KANSL1: variants seen among roughly 807,000 people sequenced by gnomAD.
The protein encoded by KANSL1 is KAT8 regulatory NSL complex subunit 1, also known as MLL1/MLL complex subunit KANSL1.
A neutral mutation model predicts 103.6 loss-of-function variants in KANSL1; 22 were observed. The ratio of observed to expected loss-of-function variants is 0.21; its 90% CI spans 0.15 to 0.30. The LOEUF (loss-of-function observed/expected upper bound fraction) is 0.30. Among genes scored for constraint, KANSL1 ranks in the 10% least tolerant of loss-of-function variants. KANSL1 has a pLI of 1.00. For synonymous variants in KANSL1, 600 were observed against 527.6 expected (o/e 1.14, Z -1.88); for missense variants, 1,337 against 1,399.8 (o/e 0.96, Z 0.72).
At chr17:46,069,329 T>C (rs1236709917) in intron 4 of KANSL1, among the ~76,000 whole-genome samples, 2 of 152,188 alleles carry the variant, frequency 1.3e-5, no homozygotes, top group Non-Finnish European at 2.9e-5. Flanking sequence ...ACAAATGCTT[T>C]CAAGGTAAAT....
chr17:46,096,469 C>T (rs1220785467), intron 2 of KANSL1, among the ~76,000 whole-genome samples: 3 of 151,386 alleles, frequency 2.0e-5, no homozygotes, highest in Non-Finnish European at 2.9e-5. Context: ...TACAGGCATG[C>T]GCCACCATGC....
At chr17:46,100,442 CCCAAA>C (rs1404742199) in intron 2 of KANSL1, among the ~76,000 whole-genome samples, 4 of 116,524 alleles carry the variant, frequency 3.4e-5, no homozygotes, top group Non-Finnish European at 4.3e-5. Flanking sequence ...ACTCCCTCTC[CCCAAA>C]AAAAAAAAAA....
chr17:46,114,831 A>AAC (rs2042974312), intron 2 of KANSL1, among the ~76,000 whole-genome samples: 2 of 152,264 alleles, frequency 1.3e-5, no homozygotes. Context: ...ACAAGTGTAT[A>AAC]ACAGAAATGT....
chr17:46,183,752 A>G (rs1007010797), intron 1 of KANSL1, among the ~76,000 whole-genome samples: 3 of 152,090 alleles, frequency 2.0e-5, no homozygotes, highest in African/African-American at 7.3e-5. Flanking sequence ...GGAGTTTGAG[A>G]CCAGCCTGGC....
chr17:46,131,011 A>T (rs920635218), intron 2 of KANSL1, among the ~76,000 whole-genome samples: 3 of 152,230 alleles, frequency 2.0e-5, no homozygotes, highest in African/African-American at 7.2e-5. Flanking sequence ...AGACTGCCAC[A>T]GTCTTTTTCA....
At chr17:46,135,894 T>C (rs144989924) in intron 2 of KANSL1, among the ~76,000 whole-genome samples, 1 of 152,224 alleles carries the variant, frequency 6.6e-6, no homozygotes. Context: ...TAGAGCAAAC[T>C]AGGCTCTATT....
At chr17:46,146,562 G>T (rs975361614) in intron 2 of KANSL1, among the ~76,000 whole-genome samples, 4 of 113,054 alleles carry the variant, frequency 3.5e-5, no homozygotes, top group African/African-American at 1.1e-4. Context: ...GGCCGGGCGC[G>T]GTGGCTCACG....
At position 46,039,032 on chromosome 17, in the gene KANSL1, C is replaced by G. The variant is rs1346022114; in HGVS notation, c.2387G>C (p.Ser796Thr). 6.2e-7 allele frequency: 1 copy of G among 1,610,440 alleles called. No homozygotes were observed. Among genetic ancestry groups the G allele is most frequent in the Admixed American group, 1.7e-5 (1 of 59,244 alleles). Residue 796 changes from serine (S) to threonine (T), a missense_variant, in exon 9 of 15, where the codon AGT becomes ACT. Ser to Thr is a moderately conservative substitution (Grantham distance 58). Coordinates refer to ENST00000432791, the MANE Select transcript of KANSL1 (RefSeq NM_015443.4). ...TGCCATGGGCCTGGCCCTACCTTCA[C>G]TTCTCTCAGATGAATGGTCTCGCAA... ...MRLRDHSSER[S>T]EVLKHHTDMS...
intron 2 of KANSL1, among the ~76,000 whole-genome samples, chr17:46,160,074 T>C (rs561342392): frequency 1.3e-5 from 2 of 152,358 alleles, no homozygotes; most frequent in South Asian, 4.1e-4. Flanking sequence ...AGAACATGTA[T>C]GACCACAAGC....
chr17:46,032,466 AG>A (rs2077038431), intron 13 of KANSL1, 167 bp from the exon 14 acceptor site: 1 of 566,092 alleles, frequency 1.8e-6, no homozygotes, highest in Non-Finnish European at 3.0e-6. Flanking sequence ...CTGGAGGGGT[AG>A]GTATACAACA....
At chr17:46,197,621 C>T (rs949639933), upstream of KANSL1, among the ~76,000 whole-genome samples, 10 of 152,184 alleles carry the variant, frequency 6.6e-5, no homozygotes, top group African/African-American at 1.2e-4. Context: ...CCAGCCTACG[C>T]GACAGAAGGA....
intron 7 of KANSL1, chr17:46,045,604 G>A (rs146451486): frequency 6.6e-6 from 1 of 152,256 alleles, no homozygotes; most frequent in Non-Finnish European, 1.5e-5. Flanking sequence ...ACCAGAAAAG[G>A]GGGAGTGTTC....
At chr17:46,160,342 C>T (rs552963241) in intron 2 of KANSL1, among the ~76,000 whole-genome samples, 6 of 152,186 alleles carry the variant, frequency 3.9e-5, no homozygotes, top group East Asian at 1.9e-4. Flanking sequence ...CTGCTGCTCA[C>T]GCTGGAGTGC....
chr17:46,195,421 TGGGGGA>T (rs1266218366), upstream of KANSL1, among the ~76,000 whole-genome samples: 1 of 152,268 alleles, frequency 6.6e-6, no homozygotes, highest in Non-Finnish European at 1.5e-5. Context: ...ACCATGTATT[TGGGGGA>T]ACTATAAATT....
intron 1 of KANSL1, among the ~76,000 whole-genome samples, chr17:46,180,517 T>A (rs1273034885): frequency 6.6e-6 from 1 of 151,480 alleles, no homozygotes; most frequent in Non-Finnish European, 1.5e-5. Context: ...AAATAAATAA[T>A]AAAAATAAAA....
intron 2 of KANSL1, among the ~76,000 whole-genome samples, chr17:46,124,158 G>A (rs1440466247): frequency 2.6e-5 from 4 of 152,220 alleles, no homozygotes; most frequent in Non-Finnish European, 5.9e-5. Flanking sequence ...CAGCACTCTG[G>A]GAGGCCAAGG....
intron 4 of KANSL1, among the ~76,000 whole-genome samples, chr17:46,069,504 GGAGGCTGAAGCA>G (rs1202350498): frequency 6.6e-6 from 1 of 152,124 alleles, no homozygotes; most frequent in Non-Finnish European, 1.5e-5. Flanking sequence ...CAGCACTTTG[GGAGGCTGAAGCA>G]GGCAGATCAC....
intron 1 of KANSL1, among the ~76,000 whole-genome samples, chr17:46,208,255 G>A (rs2048037951): frequency 6.6e-6 from 1 of 152,142 alleles, no homozygotes; most frequent in South Asian, 2.1e-4. Flanking sequence ...TGAGGGTCTT[G>A]TACCCATGAT....
chr17:46,192,042 A>G (rs896675300), intron 1 of KANSL1, among the ~76,000 whole-genome samples: 14 of 152,212 alleles, frequency 9.2e-5, no homozygotes, highest in Non-Finnish European at 1.6e-4. Context: ...AGAGCAATTT[A>G]AAGTGGCGCC....
Sources: gnomAD v4.1 joint callset for allele counts (sites outside exome capture counted in the v4.1 genomes callset) on GRCh38, gnomAD v4.1.1 for gene constraint, MANE v1.5 for transcripts, NCBI Gene and HGNC (gene_info 2026-07-23, HGNC 2026-07-21) for gene names.